TENM3: variants seen among roughly 807,000 people sequenced by gnomAD.
TENM3 encodes teneurin transmembrane protein 3, also known as teneurin-3.
Under a neutral mutation model 255.1 loss-of-function variants are expected in TENM3, and 63 were observed. The observed-to-expected ratio is 0.25, with a 90% CI of 0.20 to 0.30. The LOEUF (loss-of-function observed/expected upper bound fraction) is 0.30. TENM3 is among the 10% of genes least tolerant of loss of function. TENM3 has a pLI of 1.00. For missense variants in TENM3, 2,929 were observed against 3,461.1 expected, an observed-to-expected ratio of 0.85 and a Z score of 3.86; for synonymous variants, 1,306 against 1,322.3, an observed-to-expected ratio of 0.99 and a Z score of 0.27.
At chr4:181,927,887 G>A in the TENM3 span, among the ~76,000 whole-genome samples, 1 of 152,164 alleles carries the variant, frequency 6.6e-6, no homozygotes, top group Non-Finnish European at 1.5e-5. Context: ...AGGCAAACAA[G>A]GTCTGGAGTG....
intron 3 of TENM3, among the ~76,000 whole-genome samples, chr4:182,462,863 A>T (rs1732168127): frequency 6.6e-6 from 1 of 150,410 alleles, no homozygotes. Flanking sequence ...CTCCAGCCTG[A>T]GTGACAGGGT....
At chr4:182,190,853 T>A (rs890123261) in intron 1 of TENM3, among the ~76,000 whole-genome samples, 6 of 152,140 alleles carry the variant, frequency 3.9e-5, no homozygotes, top group African/African-American at 1.4e-4. Context: ...AAGAAAAAAA[T>A]TATTTTCATG....
intron 1 of TENM3, among the ~76,000 whole-genome samples, chr4:182,175,316 T>A (rs3071523): frequency 0.16 from 11,343 of 72,716 alleles, 775 homozygotes; most frequent in East Asian, 0.37. Context: ...AAAAAAAAAA[T>A]ATATATATAT....
At chr4:182,408,953 G>C (rs924573986) in intron 3 of TENM3, among the ~76,000 whole-genome samples, 1 of 152,206 alleles carries the variant, frequency 6.6e-6, no homozygotes, top group Non-Finnish European at 1.5e-5. Flanking sequence ...ACAAAGCAGC[G>C]AAGAGGCAGA....
At chr4:182,740,901 G>A (rs1244268628) in intron 18 of TENM3, among the ~76,000 whole-genome samples, 2 of 152,200 alleles carry the variant, frequency 1.3e-5, no homozygotes, top group African/African-American at 4.8e-5. Flanking sequence ...TTTAGGCCGA[G>A]CACGGTGGCT....
In TENM3 at chr4:182,591,892, G is replaced by A. The variant is rs115985587; in HGVS notation, c.512-9032G>A. On this transcript the variant is annotated intron_variant, in intron 3 of 27. Coordinates refer to ENST00000511685, the MANE Select transcript of TENM3 (RefSeq NM_001080477.4). ...CCCTGAATATCTGTTTTTGTTTTCC[G>A]ATGAGCTTCACAGACTTTGTGATAT... Among the ~76,000 whole-genome samples the A allele has an allele frequency of 4.9e-3, 750 of 152,168 alleles. 6 individuals are homozygous for A. Among genetic ancestry groups the A allele is most frequent in the African/African-American group, 0.017 (720 of 41,518 alleles).
chr4:182,387,349 ACT>A (rs1385192829), intron 3 of TENM3, among the ~76,000 whole-genome samples: 1 of 151,958 alleles, frequency 6.6e-6, no homozygotes, highest in East Asian at 1.9e-4. Context: ...GTGTGTCCAA[ACT>A]CTGTATCTAA....
intron 13 of TENM3, among the ~76,000 whole-genome samples, chr4:182,714,836 G>T (rs1759030005): frequency 6.6e-6 from 1 of 152,146 alleles, no homozygotes; most frequent in Non-Finnish European, 1.5e-5. Flanking sequence ...GTGAGAGTTG[G>T]TGATTTCCTC....
the TENM3 span, among the ~76,000 whole-genome samples, chr4:181,721,477 G>A: frequency 1.5e-5 from 2 of 136,946 alleles, no homozygotes; most frequent in Non-Finnish European, 3.2e-5. Flanking sequence ...GCGGGCGCCT[G>A]TAGTCCCAGC....
the TENM3 span, among the ~76,000 whole-genome samples, chr4:181,783,912 G>T: frequency 6.6e-6 from 1 of 152,106 alleles, no homozygotes; most frequent in Non-Finnish European, 1.5e-5. Context: ...TGTTGCCCAG[G>T]CAGGTCTTGA....
intron 25 of TENM3, among the ~76,000 whole-genome samples, chr4:182,791,538 C>T (rs1484992864): frequency 6.6e-6 from 1 of 152,172 alleles, no homozygotes. Flanking sequence ...AGTATGTAGT[C>T]CAGAAACCAT....
At chr4:181,866,080 A>T in the TENM3 span, among the ~76,000 whole-genome samples, 1 of 152,210 alleles carries the variant, frequency 6.6e-6, no homozygotes, top group African/African-American at 2.4e-5. Context: ...TGGTTTTTGC[A>T]AGGGAAAAGT....
the TENM3 span, among the ~76,000 whole-genome samples, chr4:181,527,026 G>T: frequency 6.6e-6 from 1 of 152,090 alleles, no homozygotes; most frequent in East Asian, 1.9e-4. Context: ...CTTAGCCCTG[G>T]GTCCTTGCAG....
At chr4:181,870,748 A>G in the TENM3 span, among the ~76,000 whole-genome samples, 339 of 152,208 alleles carry the variant, frequency 2.2e-3, no homozygotes, top group African/African-American at 7.5e-3. Context: ...ATTTTCATTC[A>G]GTTAGTGACT....
chr4:181,779,408 CAT>C, the TENM3 span, among the ~76,000 whole-genome samples: 68 of 151,968 alleles, frequency 4.5e-4, 2 homozygotes, highest in Middle Eastern at 3.4e-3. Context: ...TTCTGGGAAA[CAT>C]AGTTTCATTT....
At chr4:182,438,233 G>A (rs1387606777) in intron 3 of TENM3, among the ~76,000 whole-genome samples, 1 of 152,158 alleles carries the variant, frequency 6.6e-6, no homozygotes, top group South Asian at 2.1e-4. Context: ...CTCCTTTAGT[G>A]TGCAAACTAT....
At chr4:182,249,919 T>C (rs756738435) in intron 1 of TENM3, among the ~76,000 whole-genome samples, 2 of 151,688 alleles carry the variant, frequency 1.3e-5, no homozygotes, top group African/African-American at 2.4e-5. Context: ...TGCACCACTA[T>C]GCCTGGCTAC....
the TENM3 span, among the ~76,000 whole-genome samples, chr4:182,023,611 C>T: frequency 6.6e-6 from 1 of 152,134 alleles, no homozygotes; most frequent in South Asian, 2.1e-4. Flanking sequence ...GATCACTGGC[C>T]CCCTGTGCAT....
intron 3 of TENM3, among the ~76,000 whole-genome samples, chr4:182,560,444 T>C (rs1252151975): frequency 2.0e-5 from 3 of 152,200 alleles, no homozygotes; most frequent in African/African-American, 7.2e-5. Context: ...CCTCTACTGC[T>C]TCTCCTACAA....
Sources: gnomAD v4.1 joint callset for allele counts (sites outside exome capture counted in the v4.1 genomes callset) on GRCh38, gnomAD v4.1.1 for gene constraint, MANE v1.5 for transcripts, NCBI Gene and HGNC (gene_info 2026-07-23, HGNC 2026-07-21) for gene names.